The following NFRKB variants were observed in gnomAD, a reference collection of about 807,000 sequenced individuals.
NFRKB encodes the protein nuclear factor related to kappaB binding protein.
A neutral mutation model predicts 135.7 loss-of-function variants in NFRKB; 62 were observed. The observed-to-expected ratio is 0.46, with a 90% CI of 0.37 to 0.56. The LOEUF (loss-of-function observed/expected upper bound fraction) is 0.56. Among genes scored for constraint, NFRKB ranks in the 20% least tolerant of loss-of-function variants. The pLI is 0.00. For missense variants in NFRKB, 1,545 were observed against 1,662.0 expected (o/e 0.93, Z 1.22); for synonymous variants, 678 against 635.6 (o/e 1.07, Z -1.00).
chr11:129,877,446 C>T (rs1353517552), intron 15 of NFRKB, 61 bp from the exon 16 acceptor site: 1 of 1,471,542 alleles, frequency 6.8e-7, no homozygotes, highest in East Asian at 2.3e-5. Flanking sequence ...GACCCATTGC[C>T]CCTGCTTCAG....
At chr11:129,873,632 G>C in intron 22 of NFRKB, 113 bp downstream of exon 22, 1 of 1,389,670 alleles carries the variant, frequency 7.2e-7, no homozygotes, top group Non-Finnish European at 9.9e-7. Context: ...GTCATCACCA[G>C]TAGCAATAAT....
At chr11:129,877,865 G>A (rs79265391) in intron 15 of NFRKB, among the ~76,000 whole-genome samples, 4,292 of 152,194 alleles carry the variant, frequency 0.028, 193 homozygotes, top group African/African-American at 0.099. Context: ...CCATGCCAGG[G>A]AAGAAAAAGA....
At chr11:129,876,365 A>G (rs546938832) in intron 17 of NFRKB, among the ~76,000 whole-genome samples, 1 of 152,372 alleles carries the variant, frequency 6.6e-6, no homozygotes, top group African/African-American at 2.4e-5. Context: ...AACTCTGAGA[A>G]GGGGTCCACA....
In NFRKB at chr11:129,874,580, T is replaced by G; in HGVS notation, c.1979A>C (p.Glu660Ala). 1.2e-6 allele frequency: 2 copies of G among 1,614,018 alleles called. No individual in the cohort carries two copies. The highest frequency in any genetic ancestry group is 1.7e-6 in the Non-Finnish European group (2 of 1,179,996). ...LHRDRSEEEF[E>A]RIHQAQAAAA... ...AGCTGCTTGTGCTTGGTGAATCCGCTCTGTGAACAAGAGGGGCAAGCTTCA... is the reference window on the plus strand; with the variant it reads ...AGCTGCTTGTGCTTGGTGAATCCGCGCTGTGAACAAGAGGGGCAAGCTTCA... Residue 660 changes from glutamate to alanine, a missense_variant and splice_region_variant, in exon 20 of 27, where the codon GAG (glutamate) becomes GCG (alanine). This residue lies in a region of NFRKB where 114 missense variants were observed against 211.0 expected (regional missense o/e 0.54). Transcript: ENST00000682444. The surrounding 1 kb of genome is among the most constrained non-coding windows in gnomAD (Gnocchi z 4.5).
Position 129,885,541 on chromosome 11 carries a change from G to A in NFRKB, c.534C>T (p.Ser178=). 1 of 1,614,106 alleles carries A rather than the reference G, an allele frequency of 6.2e-7. No individual in the cohort carries two copies. The highest frequency in any genetic ancestry group is 1.7e-5 in the Admixed American group (1 of 60,024). The change falls in exon 6 of 27, where the codon TCC becomes TCT. Residue 178 remains serine (S), a synonymous_variant. Coordinates refer to ENST00000682444, the MANE Select transcript of NFRKB (RefSeq NM_001143835.2). ...LPFRQKRPSP[S]RTPEEREWRT... ...GCCACTCCCGCTCCTCAGGTGTGCG[G>A]GATGGTGAAGGGCGTTTCTGCCGGA...
At chr11:129,886,174 T>C (rs1949267560) in intron 5 of NFRKB, 143 bp downstream of exon 5, 3 of 848,020 alleles carry the variant, frequency 3.5e-6, no homozygotes, top group South Asian at 3.5e-5. Flanking sequence ...TAAGAAAGGA[T>C]GGCATAGCTT....
chr11:129,874,812 G>A lies in NFRKB; in HGVS notation c.1959C>T (p.Asp653=). ...ACACACCAAACTCTTCTTCACTCCG[G>A]TCACGATGCAGGTAGATCCACAGCT... The part of the protein sequence containing the change: ...GRKLWIYLHR[D]RSEEEFERIH... The change falls in exon 19 of 27, where the codon GAC becomes GAT. Residue 653 remains aspartate, a synonymous_variant. Coordinates refer to ENST00000682444, the MANE Select transcript of NFRKB (RefSeq NM_001143835.2). The surrounding 1 kb of genome is among the most constrained non-coding windows in gnomAD (Gnocchi z 4.5). The A allele has an allele frequency of 6.2e-7, 1 of 1,614,104 alleles. No individual in the cohort carries two copies. Among genetic ancestry groups the A allele is most frequent in the Non-Finnish European group, 8.5e-7 (1 of 1,180,034 alleles).
chr11:129,881,494 A>G lies in NFRKB; in HGVS notation c.1333T>C (p.Phe445Leu). 6.2e-7 allele frequency: 1 copy of G among 1,614,162 alleles called. No homozygotes were observed. The stretch of plus-strand genomic sequence containing the variant: ...TCTTTGAATTCAACAAATGGAGAGA[A>G]ACTGGAAGGAACAGCTGCAAGAAAT... ...AGESRAVPSS[F>L]SPFVEFKEKT... The change falls in exon 13 of 27, where the codon TTC becomes CTC. Residue 445 changes from phenylalanine (F) to leucine (L), a missense_variant. Physicochemically the swap from Phe to Leu is conservative, Grantham distance 22. Around this residue, in one of 3 missense-constraint regions of NFRKB, gnomAD observed 678 missense variants for 646.7 expected, o/e 1.05. Transcript: ENST00000682444.
At chr11:129,887,130 G>A (rs551964081) in intron 4 of NFRKB, among the ~76,000 whole-genome samples, 28 of 152,190 alleles carry the variant, frequency 1.8e-4, no homozygotes, top group Non-Finnish European at 2.9e-4. Flanking sequence ...GAAGGGAAGA[G>A]GAAGAGGCTT....
In NFRKB at chr11:129,869,963, T is replaced by A; in HGVS notation, c.3062A>T (p.Asp1021Val). ...GGCTGAACTGGCCTTGGCAGGGCTA[T>A]CAGCTGCATGTACTGGATTGGAAGT... ...HVTSNPVHAA[D>V]SPAKASSASA... The change falls in exon 24 of 27, where the codon GAT (aspartate) becomes GTT (valine). Residue 1021 changes from aspartate (D) to valine (V), a missense_variant. Transcript: ENST00000682444. 1 of 1,614,252 alleles carries A rather than the reference T, an allele frequency of 6.2e-7. No individual in the cohort carries two copies. The highest frequency in any genetic ancestry group is 8.5e-7 in the Non-Finnish European group (1 of 1,180,040).
chr11:129,882,199 T>C lies in NFRKB; in HGVS notation c.1083-5A>G, dbSNP rs776319458. 14 of 1,593,406 alleles carry C rather than the reference T, an allele frequency of 8.8e-6. No homozygotes were observed. In the Admixed American group the frequency reaches 2.4e-4, roughly 28 times the overall value. On this transcript the variant is annotated splice_polypyrimidine_tract_variant and splice_region_variant and intron_variant, in intron 10 of 26. Transcript: ENST00000682444. ...GGCTTGAGGTCTTCAAGGGGCCTAA[T>C]GAGGGAAGAAAAATATAAGAACCAA...
chr11:129,878,475 C>T lies in NFRKB; in HGVS notation c.1453G>A (p.Ala485Thr), dbSNP rs1468871167. Residue 485 changes from alanine to threonine, a missense_variant, in exon 14 of 27, where the codon GCC becomes ACC. Physicochemically the swap from Ala to Thr is moderately conservative, Grantham distance 58. Coordinates refer to ENST00000682444, the MANE Select transcript of NFRKB (RefSeq NM_001143835.2). Reference protein sequence around the residue: ...FQLWLETKDQAFCKQENEDSS... With the variant: ...FQLWLETKDQTFCKQENEDSS... ...TTAAAAAAACATACCTTACAGAAGG[C>T]CTGATCTTTGGTCTCTAGCCATAGC... 6.2e-7 allele frequency: 1 copy of T among 1,613,954 alleles called. No individual in the cohort carries two copies. Among genetic ancestry groups the T allele is most frequent in the African/African-American group, 1.3e-5 (1 of 74,904 alleles).
chr11:129,889,105 G>T (rs751015824), intron 3 of NFRKB, among the ~76,000 whole-genome samples: 15 of 151,894 alleles, frequency 9.9e-5, no homozygotes, highest in Non-Finnish European at 1.8e-4. Context: ...GGGATTACAG[G>T]TGCGCACCAC....
chr11:129,889,730 A>G (rs1333451649), intron 3 of NFRKB, among the ~76,000 whole-genome samples: 3 of 148,800 alleles, frequency 2.0e-5, no homozygotes, highest in African/African-American at 7.3e-5. Flanking sequence ...TTAAGACAGG[A>G]GAGGGATGAG....
chr11:129,879,409 G>T (rs901575894), intron 13 of NFRKB, among the ~76,000 whole-genome samples: 1 of 152,060 alleles, frequency 6.6e-6, no homozygotes, highest in Non-Finnish European at 1.5e-5. Flanking sequence ...CTGACAGATG[G>T]GGGGAGTGCT....
rs753770007 is a variant in NFRKB at position 129,870,220 on chromosome 11, G to A, written c.2805C>T (p.Gly935=). The change falls in exon 24 of 27, where the codon GGC becomes GGT. Residue 935 remains glycine, a synonymous_variant. Coordinates refer to ENST00000682444, the MANE Select transcript of NFRKB (RefSeq NM_001143835.2). ...TAGTGGCTGTGAGTGGAATGCTGTT[G>A]CCTGTTTGGGGCTTCACACCAAGCT... is the stretch of plus-strand genomic sequence containing the variant. The part of the protein sequence containing the change: ...TGQLGVKPQT[G]NSIPLTATNF... 42 of 1,614,044 alleles carry A rather than the reference G, an allele frequency of 2.6e-5. No homozygotes were observed. In the Admixed American group the frequency reaches 7.0e-4, roughly 27 times the overall value.
intron 22 of NFRKB, 49 bp from the exon 23 acceptor site, chr11:129,873,145 AC>A: frequency 6.8e-7 from 1 of 1,472,446 alleles, no homozygotes. Context: ...TAAGATGCAG[AC>A]CAGCACTCTA....
chr11:129,877,031 A>G (rs1013533018), intron 16 of NFRKB, 136 bp from the exon 17 acceptor site: 80 of 939,220 alleles, frequency 8.5e-5, no homozygotes, highest in Admixed American at 1.9e-4. Flanking sequence ...TCTAGTAGGA[A>G]TGTTCAGCCA....
chr11:129,881,258 G>C (rs1197480755), intron 13 of NFRKB, among the ~76,000 whole-genome samples, 185 bp downstream of exon 13: 2 of 152,144 alleles, frequency 1.3e-5, no homozygotes, highest in East Asian at 3.9e-4. Flanking sequence ...CCAACCAGAG[G>C]AGTTAGTTAA....
Sources: gnomAD v4.1 joint callset for allele counts (sites outside exome capture counted in the v4.1 genomes callset) on GRCh38, gnomAD v4.1.1 for gene constraint, gnomAD v4.1.1 regional missense constraint, Gnocchi (gnomAD v3.1) non-coding constraint, MANE v1.5 for transcripts, NCBI Gene and HGNC (gene_info 2026-07-23, HGNC 2026-07-21) for gene names.